The following CDC42 variants were observed in gnomAD, a reference collection of about 807,000 sequenced individuals.
The protein encoded by CDC42 is cell division cycle 42, also known as cell division control protein 42 homolog.
A neutral mutation model predicts 20.8 loss-of-function variants in CDC42; 1 was observed. That is an observed-to-expected ratio of 0.05 (90% confidence interval 0.02 to 0.23). CDC42 has a LOEUF of 0.23. CDC42 is among the 10% of genes least tolerant of loss of function. The pLI is 1.00. For missense variants in CDC42, 49 were observed against 227.9 expected, an observed-to-expected ratio of 0.21 and a Z score of 5.05; for synonymous variants, 72 against 84.8, an observed-to-expected ratio of 0.85 and a Z score of 0.83.
chr1:22,061,856 C>T (rs796418901), intron 1 of CDC42, among the ~76,000 whole-genome samples: 7 of 150,258 alleles, frequency 4.7e-5, no homozygotes, highest in East Asian at 4.0e-4. Context: ...CCACTGCGCC[C>T]GGCCTAACTT....
rs776809649 is a variant in CDC42, at chr1:22,078,580, G to A, written c.102G>A (p.Pro34=). 16 of 1,605,394 alleles carry A rather than the reference G, an allele frequency of 1.0e-5. No individual in the cohort carries two copies. Among genetic ancestry groups the A allele is most frequent in the South Asian group, 6.7e-5 (6 of 89,706 alleles). ...TTNKFPSEYV[P]TVFDNYAVTV... ...ACAAATTTCCATCGGAATATGTACCGACTGTAAGTATAAAGGCTTCCTTCT... is the reference window on the plus strand; with the variant it reads ...ACAAATTTCCATCGGAATATGTACCAACTGTAAGTATAAAGGCTTCCTTCT... Residue 34 remains proline (P), a synonymous_variant, in exon 2 of 6, where the codon CCG becomes CCA. Transcript: ENST00000656825.
intron 1 of CDC42, among the ~76,000 whole-genome samples, chr1:22,060,684 G>A (rs1209478395): frequency 6.6e-6 from 1 of 152,028 alleles, no homozygotes; most frequent in Non-Finnish European, 1.5e-5. Context: ...CTGGTTTCAG[G>A]GATTTTCATT....
At position 22,067,547 on chromosome 1, in the gene CDC42, G is replaced by A. The variant is rs528032807; in HGVS notation, c.-50-10882G>A. 2.0e-5 allele frequency among the ~76,000 whole-genome samples: 3 copies of A among 152,298 alleles called. No homozygotes were observed. The South Asian group carries it at 6.2e-4, about 32-fold the overall frequency. The stretch of plus-strand genomic sequence containing the variant: ...TTTAGTGGAGACAGGGTTTCACCAA[G>A]TTGGCCAGGCTGGTCTCGAACGCCT... On this transcript the variant is annotated intron_variant, in intron 1 of 5. Coordinates refer to ENST00000656825, the MANE Select transcript of CDC42 (RefSeq NM_001791.4).
intron 3 of CDC42, among the ~76,000 whole-genome samples, chr1:22,084,340 T>G (rs915338576): frequency 3.2e-5 from 3 of 94,046 alleles, no homozygotes; most frequent in African/African-American, 1.1e-4. Context: ...TTCCTGTTTT[T>G]TTTTTTTTTT....
intron 2 of CDC42, 102 bp downstream of exon 2, chr1:22,078,685 C>G (rs778822493): frequency 5.9e-6 from 9 of 1,520,578 alleles, no homozygotes; most frequent in Non-Finnish European, 7.9e-6. Context: ...TGTTGTCTGC[C>G]TTTGTTTCCT....
intron 1 of CDC42, among the ~76,000 whole-genome samples, chr1:22,061,853 G>A (rs1047188171): frequency 1.3e-5 from 2 of 151,722 alleles, no homozygotes; most frequent in Admixed American, 6.6e-5. Context: ...GAGCCACTGC[G>A]CCCGGCCTAA....
At chr1:22,067,354 C>T (rs1645435854) in intron 1 of CDC42, among the ~76,000 whole-genome samples, 1 of 151,992 alleles carries the variant, frequency 6.6e-6, no homozygotes, top group Admixed American at 6.6e-5. Flanking sequence ...TTGACGGTCT[C>T]ACTCTGTTTC....
rs16826433 is a variant in CDC42 at position 22,075,978 on chromosome 1, T to C, written c.-50-2451T>C. On this transcript the variant is annotated intron_variant, in intron 1 of 5. Transcript: ENST00000656825. ...TTCTCCCAATAAAATTCAGTAGTTA[T>C]ATGCAGGGTGAAAAACAGGAAATAA... 9.2e-4 allele frequency among the ~76,000 whole-genome samples: 140 copies of C among 152,358 alleles called. 3 individuals carry two copies. In the South Asian group the frequency reaches 0.028, roughly 30 times the overall value.
chr1:22,078,120 C>G (rs1029143823), intron 1 of CDC42, among the ~76,000 whole-genome samples: 1 of 152,172 alleles, frequency 6.6e-6, no homozygotes, highest in Non-Finnish European at 1.5e-5. Flanking sequence ...ATTTAGCACA[C>G]TGTGGAATTT....
At chr1:22,072,088 T>TA (rs1299145046) in intron 1 of CDC42, among the ~76,000 whole-genome samples, 1 of 133,142 alleles carries the variant, frequency 7.5e-6, no homozygotes, top group Admixed American at 8.9e-5. Flanking sequence ...ACGTTTTACT[T>TA]ACCTTTTTTT....
chr1:22,053,096 C>T (rs1340265345), intron 1 of CDC42, among the ~76,000 whole-genome samples: 2 of 151,332 alleles, frequency 1.3e-5, no homozygotes, highest in Non-Finnish European at 3.0e-5. Flanking sequence ...CCCCCCAGCC[C>T]GGCCCGGCGG....
In CDC42 at chr1:22,072,396, C is replaced by T. The variant is rs575894738; in HGVS notation, c.-50-6033C>T. Among the ~76,000 whole-genome samples, 87 of 152,146 alleles carry T rather than the reference C, an allele frequency of 5.7e-4. 1 individual carries two copies. Among genetic ancestry groups the T allele is most frequent in the Admixed American group, 2.4e-3 (36 of 15,272 alleles). ...ACAGGCTTGAACCACCGTGCCTGGC[C>T]GTTTTACTTACCTTTATGCCTTTGT... On this transcript the variant is annotated intron_variant, in intron 1 of 5. Coordinates refer to ENST00000656825, the MANE Select transcript of CDC42 (RefSeq NM_001791.4).
intron 1 of CDC42, among the ~76,000 whole-genome samples, chr1:22,054,444 G>A (rs941783159): frequency 5.3e-5 from 8 of 151,998 alleles, no homozygotes; most frequent in African/African-American, 1.9e-4. Context: ...TCGGACTCCT[G>A]GGGTCAAGCA....
intron 5 of CDC42, chr1:22,089,792 A>G (rs963219635): frequency 5.6e-6 from 4 of 719,464 alleles, no homozygotes; most frequent in African/African-American, 5.3e-5. Context: ...TCCTGGTTAT[A>G]ATGGGCTTAA....
chr1:22,054,921 ATTTTTTTTTTTTTTT>A (rs1180547322), intron 1 of CDC42, among the ~76,000 whole-genome samples: 1 of 19,368 alleles, frequency 5.2e-5, no homozygotes, highest in African/African-American at 2.1e-4. Context: ...ATATATATAT[ATTTTTTTTTTTTTTT>A]TTTTTTTTTT....
chr1:22,093,853 CT>C lies in CDC42; in HGVS notation c.*2338del, dbSNP rs1212445493. Among the ~76,000 whole-genome samples, 1 of 152,146 alleles carries C rather than the reference CT, an allele frequency of 6.6e-6. No individual in the cohort carries two copies. Among genetic ancestry groups the C allele is most frequent in the Non-Finnish European group, 1.5e-5 (1 of 68,034 alleles). On this transcript the variant is annotated 3_prime_UTR_variant, in exon 6 of 6. Coordinates refer to ENST00000656825, the MANE Select transcript of CDC42 (RefSeq NM_001791.4). Reference sequence around the variant, plus strand: ...GCTATATCTTTGTCCTAAAGCAATGCTTGACATGATATGGCTCTAGAAGTAG... The same window carrying C: ...GCTATATCTTTGTCCTAAAGCAATGCTGACATGATATGGCTCTAGAAGTAG...
chr1:22,081,098 G>A (rs1489202390), intron 2 of CDC42, among the ~76,000 whole-genome samples: 1 of 152,162 alleles, frequency 6.6e-6, no homozygotes, highest in Non-Finnish European at 1.5e-5. Flanking sequence ...GATCCCAGGA[G>A]GCAGAGGTTG....
chr1:22,069,953 A>G (rs998692673), intron 1 of CDC42, among the ~76,000 whole-genome samples: 2 of 151,828 alleles, frequency 1.3e-5, no homozygotes, highest in African/African-American at 4.8e-5. Flanking sequence ...ATGCCCAGCT[A>G]ATTTTTGTAT....
chr1:22,085,579 T>G (rs1437101678), intron 3 of CDC42, among the ~76,000 whole-genome samples: 1 of 152,232 alleles, frequency 6.6e-6, no homozygotes, highest in African/African-American at 2.4e-5. Flanking sequence ...TATTTATGTC[T>G]TCTTTAATTT....
Sources: gnomAD v4.1 joint callset for allele counts (sites outside exome capture counted in the v4.1 genomes callset) on GRCh38, gnomAD v4.1.1 for gene constraint, MANE v1.5 for transcripts, NCBI Gene and HGNC (gene_info 2026-07-23, HGNC 2026-07-21) for gene names.